Variants in GRIA1 observed in about 807,000 individuals in gnomAD.
The protein encoded by GRIA1 is glutamate ionotropic receptor AMPA type subunit 1, also known as glutamate receptor 1.
In GRIA1, 31 loss-of-function variants were observed where a neutral mutation model predicts 99.2. That is an observed-to-expected ratio of 0.31 (90% confidence interval 0.23 to 0.42). The LOEUF (loss-of-function observed/expected upper bound fraction) is 0.42. Ranked by LOEUF, GRIA1 falls within the 10% of genes least tolerant of loss-of-function variation. The pLI is 1.00. For synonymous variants in GRIA1, 438 were observed against 432.4 expected, an observed-to-expected ratio of 1.01 and a Z score of -0.16; for missense variants, 782 against 1,157.5, an observed-to-expected ratio of 0.68 and a Z score of 4.71.
At chr5:153,615,836 C>G (rs1766446635) in intron 2 of GRIA1, among the ~76,000 whole-genome samples, 1 of 152,158 alleles carries the variant, frequency 6.6e-6, no homozygotes, top group Non-Finnish European at 1.5e-5. Flanking sequence ...ATGCTAATTT[C>G]TGTCCTAAAG....
In GRIA1 at chr5:153,712,209, G is replaced by A. The variant is rs150826073; in HGVS notation, c.1823+6142G>A. On this transcript the variant is annotated intron_variant, in intron 11 of 15. Transcript: ENST00000285900. ...TGGCATTACAGGCGTGTGCCACCAT[G>A]CCCAGCTAATTGTTGTATTTTTAGT... Among the ~76,000 whole-genome samples the A allele has an allele frequency of 3.9e-5, 6 of 152,130 alleles. No individual in the cohort carries two copies. In the East Asian group the frequency reaches 9.7e-4, roughly 25 times the overall value.
At chr5:153,630,673 A>T (rs1018311808) in intron 2 of GRIA1, among the ~76,000 whole-genome samples, 2 of 152,202 alleles carry the variant, frequency 1.3e-5, no homozygotes, top group Non-Finnish European at 1.5e-5. Context: ...CCCTCAAAGA[A>T]GCAAATCCAG....
intron 10 of GRIA1, among the ~76,000 whole-genome samples, chr5:153,704,329 A>G (rs542908974): frequency 6.6e-5 from 10 of 152,352 alleles, no homozygotes; most frequent in Non-Finnish European, 1.3e-4. Flanking sequence ...CTCATCTCAG[A>G]AATGAATGCT....
chr5:153,542,650 C>A (rs1380791608), intron 2 of GRIA1, among the ~76,000 whole-genome samples: 1 of 152,212 alleles, frequency 6.6e-6, no homozygotes, highest in African/African-American at 2.4e-5. Context: ...AGTGAACTAG[C>A]AATCACAGAG....
chr5:153,682,645 C>T (rs1757059427), intron 7 of GRIA1, among the ~76,000 whole-genome samples: 1 of 152,114 alleles, frequency 6.6e-6, no homozygotes, highest in South Asian at 2.1e-4. Context: ...CCGATGCTTG[C>T]TGTTAGCAAT....
At chr5:153,657,939 T>C (rs1755073657) in intron 5 of GRIA1, among the ~76,000 whole-genome samples, 1 of 152,160 alleles carries the variant, frequency 6.6e-6, no homozygotes, top group African/African-American at 2.4e-5. Context: ...AATTTTTGAC[T>C]TCGGAGTGAG....
intron 5 of GRIA1, among the ~76,000 whole-genome samples, chr5:153,660,614 C>T (rs1439676939): frequency 6.6e-6 from 1 of 152,172 alleles, no homozygotes; most frequent in Admixed American, 6.5e-5. Flanking sequence ...ATAGATCTGA[C>T]ATTCCAACCC....
At chr5:153,650,551 A>C in intron 4 of GRIA1, 37 bp downstream of exon 4, 5 of 1,591,546 alleles carry the variant, frequency 3.1e-6, no homozygotes, top group Non-Finnish European at 4.3e-6. Context: ...TGGGTGCGGG[A>C]GGTGATTCAG....
chr5:153,757,996 A>G, intron 11 of GRIA1, among the ~76,000 whole-genome samples: 1 of 152,264 alleles, frequency 6.6e-6, no homozygotes, highest in African/African-American at 2.4e-5. Flanking sequence ...TAACTACAAT[A>G]ATATGTTAAG....
At chr5:153,518,634 A>G (rs182780553) in intron 2 of GRIA1, among the ~76,000 whole-genome samples, 32 of 152,370 alleles carry the variant, frequency 2.1e-4, no homozygotes, top group Admixed American at 5.2e-4. Context: ...GTATACATGT[A>G]CAATAATAGT....
chr5:153,648,035 A>T (rs1208754089), intron 3 of GRIA1, among the ~76,000 whole-genome samples: 1 of 152,202 alleles, frequency 6.6e-6, no homozygotes, highest in Non-Finnish European at 1.5e-5. Flanking sequence ...ACTGGTGTAA[A>T]CAAATAAATG....
chr5:153,802,631 G>A, intron 15 of GRIA1, 141 bp downstream of exon 15: 1 of 845,696 alleles, frequency 1.2e-6, no homozygotes, highest in East Asian at 2.5e-5. Flanking sequence ...CTGTTACGAG[G>A]AAGGTGACGG....
chr5:153,787,691 G>A (rs1003340032), intron 13 of GRIA1, among the ~76,000 whole-genome samples: 16 of 152,108 alleles, frequency 1.1e-4, no homozygotes, highest in African/African-American at 2.7e-4. Context: ...GATGGTCCTC[G>A]CAGGTCTGTT....
intron 2 of GRIA1, among the ~76,000 whole-genome samples, chr5:153,612,842 G>T (rs114474573): frequency 6.6e-6 from 1 of 151,936 alleles, no homozygotes; most frequent in Non-Finnish European, 1.5e-5. Context: ...GGCAGTATTA[G>T]CATTATAAAG....
intron 2 of GRIA1, among the ~76,000 whole-genome samples, chr5:153,535,211 C>T (rs367997028): frequency 2.6e-4 from 40 of 152,234 alleles, no homozygotes; most frequent in African/African-American, 8.9e-4. Flanking sequence ...CATGAGCCAC[C>T]GCACCCAGCC....
chr5:153,704,966 A>G (rs889758154), intron 10 of GRIA1, among the ~76,000 whole-genome samples: 1 of 152,226 alleles, frequency 6.6e-6, no homozygotes, highest in African/African-American at 2.4e-5. Flanking sequence ...TAAGTGTTCA[A>G]TAAATATCTA....
intron 8 of GRIA1, among the ~76,000 whole-genome samples, chr5:153,687,975 C>G (rs937201719): frequency 6.6e-6 from 1 of 152,232 alleles, no homozygotes; most frequent in Non-Finnish European, 1.5e-5. Flanking sequence ...ATGTTTCTTC[C>G]TGGAGGCTCC....
chr5:153,604,411 G>T (rs945084895), intron 2 of GRIA1, among the ~76,000 whole-genome samples: 2 of 152,102 alleles, frequency 1.3e-5, no homozygotes, highest in East Asian at 1.9e-4. Flanking sequence ...CAAAATACAA[G>T]AATTTCATTT....
At chr5:153,514,447 A>G (rs949959501) in intron 2 of GRIA1, among the ~76,000 whole-genome samples, 2 of 152,206 alleles carry the variant, frequency 1.3e-5, no homozygotes, top group Non-Finnish European at 2.9e-5. Flanking sequence ...TGAAGAGACT[A>G]TCCTTTTCCC....
Sources: allele counts gnomAD v4.1 joint callset (sites outside exome capture counted in the v4.1 genomes callset), GRCh38; gene constraint gnomAD v4.1.1; transcripts MANE v1.5; gene names NCBI Gene and HGNC (gene_info 2026-07-23, HGNC 2026-07-21).